Variants in CCDC30 observed in about 807,000 individuals in gnomAD.
CCDC30 encodes the protein coiled-coil domain-containing protein 30.
CCDC30 carries 70 observed loss-of-function variants against 100.2 expected under a neutral mutation model. The observed-to-expected ratio is 0.70, with a 90% CI of 0.58 to 0.85. The LOEUF is 0.85. CCDC30 is among the 40% of genes least tolerant of loss of function. The pLI, the probability that CCDC30 is intolerant of heterozygous loss-of-function variation, is 0.00. For synonymous variants in CCDC30, 233 were observed against 269.5 expected (o/e 0.86, Z 1.33); for missense variants, 652 against 771.2 (o/e 0.85, Z 1.83).
Position 42,539,230 on chromosome 1 carries a change from C to G in CCDC30, c.457-27066C>G, listed in dbSNP as rs755903956. 3.7e-6 allele frequency: 6 copies of G among 1,609,738 alleles called. No homozygotes were observed. In the East Asian group the frequency reaches 1.3e-4, roughly 36 times the overall value. On this transcript the variant is annotated intron_variant, in intron 6 of 16. Transcript: ENST00000668663. ...CCTTTATAATGAAGTTCACAATCTT[C>G]CAGGGGAATCAGAAAGCAAAGACCA...
rs568124534 is a variant in CCDC30, at chr1:42,500,059, G to A, written c.456+1143G>A. 6.3e-5 allele frequency: 50 copies of A among 793,782 alleles called. 1 individual carries two copies. In the South Asian group the frequency reaches 6.7e-4, roughly 11 times the overall value. 49.2% of individuals were successfully genotyped at this position (793,782 alleles called of 1,614,324 possible). ...GAGACAGGCACAGCCTTCGTTGTCA[G>A]TAGTTCTTTGATGTGAAAGGGGCAG... On this transcript the variant is annotated intron_variant, in intron 6 of 16. Coordinates refer to ENST00000668663, the Ensembl canonical transcript of CCDC30.
chr1:42,459,960 A>G (rs1212857895), upstream of CCDC30: 2 of 1,548,128 alleles, frequency 1.3e-6, no homozygotes, highest in African/African-American at 2.8e-5. Context: ...AAAATTGTTC[A>G]GGGCTCTTAG....
At chr1:42,634,578 G>A (rs1280731421) in intron 11 of CCDC30, among the ~76,000 whole-genome samples, 2 of 152,160 alleles carry the variant, frequency 1.3e-5, no homozygotes, top group Non-Finnish European at 2.9e-5. Flanking sequence ...TGCTCCATGA[G>A]GTTTGGCTAG....
At chr1:42,615,941 A>T in intron 11 of CCDC30, among the ~76,000 whole-genome samples, 1 of 150,576 alleles carries the variant, frequency 6.6e-6, no homozygotes. Flanking sequence ...TTTTAGATGG[A>T]GTCTCGCTCT....
chr1:42,550,758 A>T (rs1645234969), intron 6 of CCDC30, among the ~76,000 whole-genome samples: 2 of 152,174 alleles, frequency 1.3e-5, no homozygotes, highest in South Asian at 2.1e-4. Context: ...CTCTAGATGT[A>T]GGCTATGTGA....
At chr1:42,496,474 A>G (rs1644234173) in intron 4 of CCDC30, among the ~76,000 whole-genome samples, 1 of 151,910 alleles carries the variant, frequency 6.6e-6, no homozygotes, top group South Asian at 2.1e-4. Flanking sequence ...AAATATATAT[A>G]TATAAATGTC....
intron 6 of CCDC30, among the ~76,000 whole-genome samples, chr1:42,515,245 A>G (rs1195351720): frequency 1.3e-5 from 2 of 152,066 alleles, no homozygotes; most frequent in African/African-American, 4.8e-5. Context: ...CATCATCAGA[A>G]GCTAGGAAGA....
At position 42,596,030 on chromosome 1, in the gene CCDC30, G is replaced by A. The variant is rs931863721; in HGVS notation, c.1164+6547G>A. Among the ~76,000 whole-genome samples the A allele has an allele frequency of 2.0e-5, 3 of 152,142 alleles. No homozygotes were observed. Among genetic ancestry groups the A allele is most frequent in the African/African-American group, 7.2e-5 (3 of 41,420 alleles). ...CAACAAGTGAAATGCCAAACAAACTGAAAAATCAACACATTTCCCTAGATC... is the reference window on the plus strand; with the variant it reads ...CAACAAGTGAAATGCCAAACAAACTAAAAAATCAACACATTTCCCTAGATC... On this transcript the variant is annotated intron_variant, in intron 10 of 16. Coordinates refer to ENST00000668663, the Ensembl canonical transcript of CCDC30. This position sits in a 1 kb window ranked among gnomAD's most constrained non-coding sequence, Gnocchi z 4.3.
At chr1:42,522,319 G>A (rs1221787384) in intron 6 of CCDC30, among the ~76,000 whole-genome samples, 1 of 151,872 alleles carries the variant, frequency 6.6e-6, no homozygotes, top group Admixed American at 6.6e-5. Context: ...TCTTTTTATT[G>A]TAGAGTTTAA....
At chr1:42,606,461 A>T (rs192609108) in intron 10 of CCDC30, among the ~76,000 whole-genome samples, 1 of 152,266 alleles carries the variant, frequency 6.6e-6, no homozygotes, top group East Asian at 1.9e-4. Flanking sequence ...TACTTTTAGT[A>T]GAGGTGAGGT....
At position 42,482,662 on chromosome 1, in the gene CCDC30, G is replaced by T. The variant is rs777283575; in HGVS notation, c.16-1G>T. The T allele has an allele frequency of 8.1e-7, 1 of 1,232,434 alleles. No individual in the cohort carries two copies. The highest frequency in any genetic ancestry group is 1.6e-5 in the African/African-American group (1 of 64,358). 76.3% of individuals were successfully genotyped at this position (1,232,434 alleles called of 1,614,324 possible). ...TATTACTAATAGAAGTTTTATTTCA[G>T]TATCATAATGAAGACCTGGAAAAAG... On this transcript the variant is annotated splice_acceptor_variant, in intron 2 of 16. Coordinates refer to ENST00000668663, the Ensembl canonical transcript of CCDC30. LOFTEE classifies it high-confidence loss of function.
rs758771474 is a variant in CCDC30, at chr1:42,611,015, C to T, written c.1202C>T (p.Ser401Phe). The T allele has an allele frequency of 3.7e-6, 6 of 1,612,020 alleles. No homozygotes were observed. In the South Asian group the frequency reaches 6.6e-5, roughly 18 times the overall value. Residue 401 changes from serine (S) to phenylalanine (F), a missense_variant, in exon 11 of 17, where the codon TCT (serine) becomes TTT (phenylalanine). Physicochemically the swap from Ser to Phe is radical, Grantham distance 155. Coordinates refer to ENST00000668663, the Ensembl canonical transcript of CCDC30. Reference sequence around the variant, plus strand: ...AACCAGGAATTGTCAGAGAAGCTATCTAAGCTACAGCAAGAGAAGGAAGCT... The same window carrying T: ...AACCAGGAATTGTCAGAGAAGCTATTTAAGCTACAGCAAGAGAAGGAAGCT...
chr1:42,456,984 C>G, the CCDC30 span: 1 of 1,602,876 alleles, frequency 6.2e-7, no homozygotes, highest in South Asian at 1.1e-5. Flanking sequence ...GAGGCTGCGG[C>G]TGCAGGCACC....
intron 1 of CCDC30, among the ~76,000 whole-genome samples, chr1:42,470,063 G>A (rs892271486): frequency 6.6e-6 from 1 of 152,126 alleles, no homozygotes; most frequent in African/African-American, 2.4e-5. Flanking sequence ...CTTTTACAGG[G>A]CTGAGATTTG....
chr1:42,499,988 A>G (rs1644284463), intron 6 of CCDC30, among the ~76,000 whole-genome samples: 1 of 152,186 alleles, frequency 6.6e-6, no homozygotes, highest in Non-Finnish European at 1.5e-5. Context: ...TCCTTAACCA[A>G]CATGCAAGTT....
rs547014485 is a variant in CCDC30 at position 42,554,758 on chromosome 1, A to C, written c.457-11538A>C. Among the ~76,000 whole-genome samples the C allele has an allele frequency of 1.2e-4, 18 of 152,252 alleles. 1 individual carries two copies. The highest frequency in any genetic ancestry group is 4.3e-4 in the African/African-American group (18 of 41,548). ...TGTCATCCACACTCTCTAACCATTG[A>C]AGGTGCATTCCCTCCTCTTGGTTTC... On this transcript the variant is annotated intron_variant, in intron 6 of 16. Coordinates refer to ENST00000668663, the Ensembl canonical transcript of CCDC30.
At chr1:42,498,355 G>C (rs1644259690) in intron 5 of CCDC30, among the ~76,000 whole-genome samples, 1 of 152,106 alleles carries the variant, frequency 6.6e-6, no homozygotes, top group African/African-American at 2.4e-5. Context: ...GATGGATGGT[G>C]GTGATGGTTG....
At chr1:42,536,963 C>T (rs759391407) in intron 6 of CCDC30, 7 of 353,246 alleles carry the variant, frequency 2.0e-5, no homozygotes, top group Non-Finnish European at 3.8e-5. Context: ...CTCATTTGAC[C>T]TTTATCACCT....
At chr1:42,514,122 A>G (rs1644519623) in intron 6 of CCDC30, among the ~76,000 whole-genome samples, 1 of 152,198 alleles carries the variant, frequency 6.6e-6, no homozygotes, top group Non-Finnish European at 1.5e-5. Flanking sequence ...TCAGATATAC[A>G]TCACATTTTG....
Sources: allele counts gnomAD v4.1 joint callset (sites outside exome capture counted in the v4.1 genomes callset), GRCh38; gene constraint gnomAD v4.1.1; non-coding constraint Gnocchi (gnomAD v3.1); transcripts MANE v1.5; gene names NCBI Gene and HGNC (gene_info 2026-07-23, HGNC 2026-07-21).